The following ARHGEF26 variants were observed in gnomAD, a reference collection of about 807,000 sequenced individuals.
ARHGEF26 encodes the protein Rho guanine nucleotide exchange factor (GEF) 26.
Under a neutral mutation model 89.4 loss-of-function variants are expected in ARHGEF26, and 59 were observed. The observed-to-expected ratio is 0.66, with a 90% CI of 0.54 to 0.82. ARHGEF26 has a LOEUF of 0.82. Among genes scored for constraint, ARHGEF26 ranks in the 40% least tolerant of loss-of-function variants. The pLI, the probability that ARHGEF26 is intolerant of heterozygous loss-of-function variation, is 0.00. For missense variants in ARHGEF26, 1,234 were observed against 1,085.6 expected, an observed-to-expected ratio of 1.14 and a Z score of -1.92; for synonymous variants, 500 against 428.4, an observed-to-expected ratio of 1.17 and a Z score of -2.06.
intron 6 of ARHGEF26, among the ~76,000 whole-genome samples, chr3:154,159,039 A>G (rs1401729691): frequency 1.3e-5 from 2 of 152,128 alleles, no homozygotes; most frequent in Non-Finnish European, 2.9e-5. Flanking sequence ...CTTCTCCCAT[A>G]TTTAGAAACT....
At chr3:154,197,528 G>T (rs1714365878) in intron 9 of ARHGEF26, among the ~76,000 whole-genome samples, 1 of 152,114 alleles carries the variant, frequency 6.6e-6, no homozygotes, top group African/African-American at 2.4e-5. Flanking sequence ...AATGTCTTGG[G>T]TAAGTCTCTC....
chr3:154,188,313 G>C (rs931673689), intron 7 of ARHGEF26, among the ~76,000 whole-genome samples: 1 of 152,160 alleles, frequency 6.6e-6, no homozygotes, highest in Non-Finnish European at 1.5e-5. Context: ...CCCCCACTTG[G>C]GTAGTTAGAG....
intron 6 of ARHGEF26, among the ~76,000 whole-genome samples, chr3:154,170,285 C>T (rs1328756777): frequency 1.3e-5 from 2 of 152,058 alleles, no homozygotes; most frequent in South Asian, 2.1e-4. Flanking sequence ...TGCCTGAAAC[C>T]GGGAGAGGTC....
At chr3:154,198,902 C>G (rs1714453329) in intron 9 of ARHGEF26, among the ~76,000 whole-genome samples, 2 of 151,926 alleles carry the variant, frequency 1.3e-5, no homozygotes, top group African/African-American at 4.8e-5. Flanking sequence ...TAAGTAGATA[C>G]AAAAGTATTT....
intron 6 of ARHGEF26, among the ~76,000 whole-genome samples, chr3:154,164,325 A>G (rs1000025926): frequency 3.9e-5 from 6 of 152,118 alleles, no homozygotes; most frequent in Non-Finnish European, 7.4e-5. Context: ...TATTATTACC[A>G]TTCTCTAATT....
chr3:154,201,005 T>TA (rs1480922242), intron 9 of ARHGEF26, among the ~76,000 whole-genome samples: 1 of 1,790 alleles, frequency 5.6e-4, no homozygotes, highest in Non-Finnish European at 8.0e-4. Flanking sequence ...AAATATAAGA[T>TA]TTTTTTTTAT....
intron 9 of ARHGEF26, among the ~76,000 whole-genome samples, chr3:154,204,062 G>C (rs190572151): frequency 6.6e-6 from 1 of 151,962 alleles, no homozygotes. Flanking sequence ...GAATAGGTGG[G>C]GTAGGGTTGG....
chr3:154,203,015 G>A (rs1317881135), intron 9 of ARHGEF26, among the ~76,000 whole-genome samples: 3 of 152,052 alleles, frequency 2.0e-5, no homozygotes, highest in South Asian at 4.1e-4. Flanking sequence ...GATTGCCCTG[G>A]TCAGAACTTC....
At chr3:154,145,541 C>G (rs1719646876) in intron 4 of ARHGEF26, among the ~76,000 whole-genome samples, 1 of 152,300 alleles carries the variant, frequency 6.6e-6, no homozygotes, top group East Asian at 1.9e-4. Context: ...TAATTTTTAA[C>G]TGGCTACATT....
At position 154,147,440 on chromosome 3, in the gene ARHGEF26, T is replaced by C. The variant is rs531276498; in HGVS notation, c.1270-1949T>C. On this transcript the variant is annotated intron_variant, in intron 4 of 14. Transcript: ENST00000465093. ...AATAAATAAATACGAAAAAGGAGCC[T>C]GTACAATTTTAATTTCTTTCACTTT... 2.6e-5 allele frequency among the ~76,000 whole-genome samples: 4 copies of C among 152,320 alleles called. No homozygotes were observed. In the East Asian group the frequency reaches 7.7e-4, roughly 29 times the overall value.
At chr3:154,127,600 ATT>A (rs59102588) in intron 3 of ARHGEF26, among the ~76,000 whole-genome samples, 92,497 of 139,482 alleles carry the variant, frequency 0.66, 30,944 homozygotes, top group Non-Finnish European at 0.74. Flanking sequence ...ACAGTTAACT[ATT>A]TTTTTTTTTT....
intron 11 of ARHGEF26, among the ~76,000 whole-genome samples, chr3:154,239,746 C>G (rs921932679): frequency 1.3e-5 from 2 of 152,034 alleles, no homozygotes; most frequent in Non-Finnish European, 2.9e-5. Flanking sequence ...GGCATGTTCA[C>G]AGTGCGATGG....
intron 6 of ARHGEF26, among the ~76,000 whole-genome samples, chr3:154,177,356 TTC>T (rs1437808740): frequency 6.6e-6 from 1 of 152,170 alleles, no homozygotes; most frequent in African/African-American, 2.4e-5. Context: ...AAAAGCAAAC[TTC>T]CCTTAGCTTC....
At chr3:154,208,966 C>T (rs1159333040) in intron 9 of ARHGEF26, among the ~76,000 whole-genome samples, 2 of 151,756 alleles carry the variant, frequency 1.3e-5, no homozygotes, top group African/African-American at 2.4e-5. Flanking sequence ...GGGGTTTCAC[C>T]GTGCTGGCCA....
chr3:154,241,026 A>G (rs2108284445), intron 12 of ARHGEF26, among the ~76,000 whole-genome samples: 1 of 152,298 alleles, frequency 6.6e-6, no homozygotes, highest in East Asian at 1.9e-4. Context: ...TTCTGTCAAA[A>G]GAGCTACCCA....
intron 12 of ARHGEF26, among the ~76,000 whole-genome samples, chr3:154,249,069 G>A (rs1717961181): frequency 6.6e-6 from 1 of 152,174 alleles, no homozygotes; most frequent in African/African-American, 2.4e-5. Flanking sequence ...AAACACAAAA[G>A]GTAACTGGTC....
At chr3:154,213,020 A>C (rs56073881) in intron 9 of ARHGEF26, among the ~76,000 whole-genome samples, 1 of 152,184 alleles carries the variant, frequency 6.6e-6, no homozygotes, top group South Asian at 2.1e-4. Flanking sequence ...AGAATGTTTT[A>C]AATTCTTTTG....
chr3:154,202,444 C>T (rs1714708060), intron 9 of ARHGEF26, among the ~76,000 whole-genome samples: 1 of 152,082 alleles, frequency 6.6e-6, no homozygotes, highest in African/African-American at 2.4e-5. Context: ...GTGATGCCTC[C>T]AGCTTTGTTC....
intron 6 of ARHGEF26, among the ~76,000 whole-genome samples, chr3:154,166,316 C>T (rs1266144366): frequency 6.6e-6 from 1 of 152,144 alleles, no homozygotes; most frequent in Non-Finnish European, 1.5e-5. Context: ...TCCCAAAATG[C>T]TGGGATTACA....
Sources: gnomAD v4.1 joint callset for allele counts (sites outside exome capture counted in the v4.1 genomes callset) on GRCh38, gnomAD v4.1.1 for gene constraint, MANE v1.5 for transcripts, NCBI Gene and HGNC (gene_info 2026-07-23, HGNC 2026-07-21) for gene names.